Variants in HFM1 observed in about 807,000 individuals in gnomAD.
HFM1 encodes the protein helicase for meiosis 1.
A neutral mutation model predicts 192.1 loss-of-function variants in HFM1; 169 were observed. The ratio of observed to expected loss-of-function variants is 0.88; its 90% CI spans 0.78 to 1.00. The LOEUF (loss-of-function observed/expected upper bound fraction) is 1.00. Among genes scored for constraint, HFM1 ranks in the 50% least tolerant of loss-of-function variants. The pLI is 0.00. For missense variants in HFM1, 1,661 were observed against 1,668.0 expected (o/e 1.00, Z 0.07); for synonymous variants, 525 against 537.8 (o/e 0.98, Z 0.33).
intron 30 of HFM1, among the ~76,000 whole-genome samples, chr1:91,292,899 C>T (rs1668945171): frequency 6.6e-6 from 1 of 152,074 alleles, no homozygotes; most frequent in African/African-American, 2.4e-5. Flanking sequence ...AATAACGCCA[C>T]ATATCTACAA....
chr1:91,346,040 G>C (rs1656087523), intron 19 of HFM1, among the ~76,000 whole-genome samples: 1 of 152,116 alleles, frequency 6.6e-6, no homozygotes, highest in South Asian at 2.1e-4. Flanking sequence ...AAATAAATTT[G>C]TTATGCTTTT....
rs904026143 is a variant in HFM1, at chr1:91,279,065, C to T, written c.3392-2003G>A. 1.6e-4 allele frequency among the ~76,000 whole-genome samples: 24 copies of T among 152,046 alleles called. 2 individuals carry two copies. The highest frequency in any genetic ancestry group is 2.9e-5 in the Non-Finnish European group (2 of 68,016). On this transcript the variant is annotated intron_variant, in intron 30 of 38. Transcript: ENST00000370425. ...CAACATCTTACTTCCTGAGAGCATC[C>T]AATCTAGAACTGATCTCTGCTTTCC... is the stretch of plus-strand genomic sequence containing the variant.
At chr1:91,281,178 G>A (rs991574600) in intron 30 of HFM1, among the ~76,000 whole-genome samples, 1 of 152,202 alleles carries the variant, frequency 6.6e-6, no homozygotes, top group African/African-American at 2.4e-5. Context: ...ACTCCAGAGT[G>A]GTGGTGGTAG....
In HFM1 at chr1:91,357,870, C is replaced by T. The variant is rs547907258; in HGVS notation, c.1686-4571G>A. On this transcript the variant is annotated intron_variant, in intron 13 of 38. Coordinates refer to ENST00000370425, the MANE Select transcript of HFM1 (RefSeq NM_001017975.6). ...TATGACAGCATAAAAAAATAAAATGCTTAGGAATAAGTTTAATTAAGGAGG... is the reference window on the plus strand; with the variant it reads ...TATGACAGCATAAAAAAATAAAATGTTTAGGAATAAGTTTAATTAAGGAGG... Among the ~76,000 whole-genome samples the T allele has an allele frequency of 1.4e-4, 21 of 152,134 alleles. 1 individual carries two copies. The South Asian group carries it at 4.2e-3, about 30-fold the overall frequency.
chr1:91,300,982 A>C (rs542853274), intron 30 of HFM1, among the ~76,000 whole-genome samples: 2 of 152,272 alleles, frequency 1.3e-5, no homozygotes, highest in African/African-American at 4.8e-5. Context: ...TTAGGAAAAG[A>C]GGAAGTCAAA....
intron 20 of HFM1, among the ~76,000 whole-genome samples, chr1:91,330,303 A>G (rs936982358): frequency 1.3e-5 from 2 of 152,194 alleles, no homozygotes; most frequent in Admixed American, 6.5e-5. Flanking sequence ...AAATAAAATC[A>G]GAGATGAAAA....
At chr1:91,396,232 T>A (rs551814793) in intron 3 of HFM1, 61 bp downstream of exon 3, 160 of 774,496 alleles carry the variant, frequency 2.1e-4, no homozygotes, top group Admixed American at 5.4e-5. Context: ...CAGGGTTTTT[T>A]AAAAAAATAT....
chr1:91,318,315 G>A (rs1364128966), intron 25 of HFM1, among the ~76,000 whole-genome samples: 1 of 152,112 alleles, frequency 6.6e-6, no homozygotes, highest in Non-Finnish European at 1.5e-5. Context: ...TTCATAAACA[G>A]TTGGTAATCT....
intron 32 of HFM1, 59 bp downstream of exon 32, chr1:91,276,569 A>G: frequency 2.5e-6 from 2 of 795,826 alleles, no homozygotes; most frequent in Non-Finnish European, 4.0e-6. Context: ...CAGACAGAAC[A>G]AAGAATATTT....
intron 5 of HFM1, 136 bp from the exon 6 acceptor site, chr1:91,385,370 CAA>C: frequency 1.3e-6 from 1 of 755,508 alleles, no homozygotes; most frequent in Non-Finnish European, 2.2e-6. Flanking sequence ...TTATTGAGAG[CAA>C]AGTTAAAAAT....
intron 30 of HFM1, among the ~76,000 whole-genome samples, chr1:91,289,045 G>A (rs1472399393): frequency 1.3e-5 from 2 of 150,990 alleles, no homozygotes; most frequent in African/African-American, 4.9e-5. Flanking sequence ...CCGGGCGGGG[G>A]CTGCCCCCCA....
chr1:91,353,045 A>G lies in HFM1; in HGVS notation c.1831+6T>C, dbSNP rs372729469. ...ATAGTATCCACGAGAAATATGTTTTACTTACAAAGAACTGGTAAATCTCCA... is the reference window on the plus strand; with the variant it reads ...ATAGTATCCACGAGAAATATGTTTTGCTTACAAAGAACTGGTAAATCTCCA... On this transcript the variant is annotated splice_donor_region_variant and intron_variant, in intron 15 of 38. Transcript: ENST00000370425. The G allele has an allele frequency of 1.4e-5, 21 of 1,535,468 alleles. No homozygotes were observed. The African/African-American group carries it at 2.9e-4, about 21-fold the overall frequency.
intron 1 of HFM1, among the ~76,000 whole-genome samples, chr1:91,401,810 T>A (rs529178568): frequency 6.6e-6 from 1 of 152,272 alleles, no homozygotes; most frequent in Non-Finnish European, 1.5e-5. Context: ...TAAAAGATAA[T>A]TTTTGCACTC....
At chr1:91,385,448 A>T (rs187748684) in intron 5 of HFM1, 127 bp downstream of exon 5, 30 of 825,744 alleles carry the variant, frequency 3.6e-5, no homozygotes, top group African/African-American at 3.1e-4. Context: ...GCAATATAAT[A>T]AAAAAATGCA....
intron 20 of HFM1, chr1:91,328,700 G>A: frequency 6.2e-7 from 1 of 1,602,884 alleles, no homozygotes; most frequent in Non-Finnish European, 8.5e-7. Context: ...CGGGGCTGAG[G>A]CAGAGAAGCA....
intron 3 of HFM1, among the ~76,000 whole-genome samples, chr1:91,396,082 C>T (rs1398899290): frequency 1.3e-5 from 2 of 152,036 alleles, no homozygotes; most frequent in South Asian, 2.1e-4. Flanking sequence ...CTGCCCACCT[C>T]GGCCTCCCAG....
intron 19 of HFM1, among the ~76,000 whole-genome samples, chr1:91,347,061 A>G (rs1305773342): frequency 2.0e-5 from 3 of 152,150 alleles, no homozygotes; most frequent in Non-Finnish European, 4.4e-5. Flanking sequence ...ATGAGCTATG[A>G]TCACGCCACT....
intron 6 of HFM1, among the ~76,000 whole-genome samples, chr1:91,381,352 A>C (rs886378383): frequency 6.6e-6 from 1 of 152,110 alleles, no homozygotes; most frequent in Non-Finnish European, 1.5e-5. Context: ...CTTGATTTTT[A>C]TCTCTTCTTT....
At chr1:91,279,311 T>C (rs1370251436) in intron 30 of HFM1, among the ~76,000 whole-genome samples, 3 of 152,202 alleles carry the variant, frequency 2.0e-5, no homozygotes, top group Non-Finnish European at 4.4e-5. Flanking sequence ...TGAAAGGCTT[T>C]GACTTTAAAC....
Sources: gnomAD v4.1 joint callset for allele counts (sites outside exome capture counted in the v4.1 genomes callset) on GRCh38, gnomAD v4.1.1 for gene constraint, MANE v1.5 for transcripts, NCBI Gene and HGNC (gene_info 2026-07-23, HGNC 2026-07-21) for gene names.